GPHN: variants seen among roughly 807,000 people sequenced by gnomAD.
GPHN encodes the protein gephyrin.
GPHN carries 17 observed loss-of-function variants against 95.5 expected under a neutral mutation model. The ratio of observed to expected loss-of-function variants is 0.18; its 90% CI spans 0.12 to 0.27. GPHN has a LOEUF of 0.27. Ranked by LOEUF, GPHN falls within the 10% of genes least tolerant of loss-of-function variation. The pLI is 1.00. For missense variants in GPHN, 660 were observed against 978.1 expected, an observed-to-expected ratio of 0.67 and a Z score of 4.34; for synonymous variants, 320 against 322.5, an observed-to-expected ratio of 0.99 and a Z score of 0.08.
At chr14:67,402,978 T>A in the GPHN span, among the ~76,000 whole-genome samples, 2 of 152,200 alleles carry the variant, frequency 1.3e-5, no homozygotes, top group Non-Finnish European at 2.9e-5. Context: ...CTATTTATAT[T>A]TTTTTGAGGA....
At chr14:66,641,650 AT>A in intron 1 of GPHN, among the ~76,000 whole-genome samples, 1 of 148,546 alleles carries the variant, frequency 6.7e-6, no homozygotes, top group Non-Finnish European at 1.5e-5. Context: ...GAACAAGTAG[AT>A]GACAAAAAAA....
At chr14:67,534,465 AGTCCC>A in the GPHN span, among the ~76,000 whole-genome samples, 1 of 152,156 alleles carries the variant, frequency 6.6e-6, no homozygotes, top group African/African-American at 2.4e-5. Flanking sequence ...GTGGGCCTGT[AGTCCC>A]AGCTAACTTG....
chr14:67,610,076 T>C, the GPHN span, among the ~76,000 whole-genome samples: 2 of 152,086 alleles, frequency 1.3e-5, no homozygotes, highest in Non-Finnish European at 2.9e-5. Flanking sequence ...CAGGGCTGCC[T>C]CCACTCCTGT....
Position 67,144,280 on chromosome 14 carries a change from T to TACATAC in GPHN, c.1836+832_1836+833insCATACA, listed in dbSNP as rs1567401113. Among the ~76,000 whole-genome samples, 16 of 112,782 alleles carry TACATAC rather than the reference T, an allele frequency of 1.4e-4. 2 individuals carry two copies. Among genetic ancestry groups the TACATAC allele is most frequent in the African/African-American group, 4.9e-4 (14 of 28,768 alleles). The allele number at this position is 112,782 out of a possible 152,430, so 74.0% of individuals were successfully genotyped here. On this transcript the variant is annotated intron_variant, in intron 18 of 22. Coordinates refer to ENST00000478722, the MANE Select transcript of GPHN (RefSeq NM_020806.5). Reference sequence around the variant, plus strand: ...ATATATATATATATATATATATATATATATATACACACACACATACACAAA... The same window carrying TACATAC: ...ATATATATATATATATATATATATATACATACATATATACACACACACATACACAAA...
At chr14:67,466,777 G>T in the GPHN span, among the ~76,000 whole-genome samples, 7 of 152,120 alleles carry the variant, frequency 4.6e-5, no homozygotes, top group Admixed American at 3.3e-4. Flanking sequence ...TGGATCACCT[G>T]AGGTCAGGAG....
intron 21 of GPHN, among the ~76,000 whole-genome samples, chr14:67,174,481 T>G (rs1305252069): frequency 2.0e-5 from 3 of 152,206 alleles, no homozygotes; most frequent in Admixed American, 1.3e-4. Flanking sequence ...AGTCTATTAT[T>G]GATGGACATT....
At chr14:66,694,531 A>C (rs776165494) in intron 2 of GPHN, among the ~76,000 whole-genome samples, 8 of 152,214 alleles carry the variant, frequency 5.3e-5, no homozygotes, top group Non-Finnish European at 1.0e-4. Context: ...AAAAAATTGA[A>C]TCTGGACGTA....
chr14:67,414,499 C>T, the GPHN span, among the ~76,000 whole-genome samples: 8 of 152,232 alleles, frequency 5.3e-5, no homozygotes, highest in Non-Finnish European at 1.5e-5. Flanking sequence ...AAGAAGCTTT[C>T]AGAGAGACAC....
intron 12 of GPHN, among the ~76,000 whole-genome samples, chr14:67,094,055 A>G (rs1430985843): frequency 6.6e-6 from 1 of 152,134 alleles, no homozygotes; most frequent in South Asian, 2.1e-4. Flanking sequence ...TCAGCCTTAA[A>G]GTGGAAATGA....
At chr14:67,479,418 A>AC in the GPHN span, among the ~76,000 whole-genome samples, 4 of 150,846 alleles carry the variant, frequency 2.7e-5, no homozygotes, top group African/African-American at 9.8e-5. Flanking sequence ...CTCAAAAAAA[A>AC]AAAAAAATGC....
chr14:66,677,190 T>C (rs1458387013), intron 1 of GPHN, among the ~76,000 whole-genome samples: 2 of 152,116 alleles, frequency 1.3e-5, no homozygotes, highest in African/African-American at 4.8e-5. Flanking sequence ...TTGATTAGTC[T>C]AGCTACTGGT....
chr14:67,691,487 GGAGCTACT>G, the GPHN span: 1 of 394,258 alleles, frequency 2.5e-6, no homozygotes. Flanking sequence ...TTGTAGTTCA[GGAGCTACT>G]TACTCACTGC....
At position 66,588,321 on chromosome 14, in the gene GPHN, A is replaced by G. The variant is rs569712054; in HGVS notation, c.64+79730A>G. ...AAGACTGAAAATTCCAAAAACCAGA[A>G]TGCCTCTTCTCCTCCAAAGTATCAC... On this transcript the variant is annotated intron_variant, in intron 1 of 22. Transcript: ENST00000478722. Among the ~76,000 whole-genome samples the G allele has an allele frequency of 5.9e-5, 9 of 152,244 alleles. No individual in the cohort carries two copies. In the South Asian group the frequency reaches 1.0e-3, roughly 18 times the overall value.
the GPHN span, among the ~76,000 whole-genome samples, chr14:67,439,634 A>G: frequency 7.1e-6 from 1 of 139,978 alleles, no homozygotes; most frequent in Admixed American, 7.0e-5. Context: ...AAAAGTTTCA[A>G]TAGTTTCTAA....
chr14:67,353,136 T>C, the GPHN span: 2 of 916,750 alleles, frequency 2.2e-6, no homozygotes, highest in East Asian at 5.1e-5. Context: ...CTTTATCCTT[T>C]GATGTGATGA....
At chr14:67,612,479 A>G in the GPHN span, among the ~76,000 whole-genome samples, 1 of 152,158 alleles carries the variant, frequency 6.6e-6, no homozygotes, top group Admixed American at 6.5e-5. Flanking sequence ...GGTTGGCACC[A>G]GTTTTGCACC....
intron 8 of GPHN, among the ~76,000 whole-genome samples, chr14:66,946,657 C>T (rs935581016): frequency 6.6e-6 from 1 of 152,048 alleles, no homozygotes; most frequent in African/African-American, 2.4e-5. Flanking sequence ...ACCACCTGGG[C>T]CTCCCAAAGT....
chr14:67,088,410 T>C (rs566757766), intron 11 of GPHN, among the ~76,000 whole-genome samples: 1 of 152,300 alleles, frequency 6.6e-6, no homozygotes, highest in Non-Finnish European at 1.5e-5. Flanking sequence ...TGTAAAAATA[T>C]GTATCATAGG....
At chr14:66,575,384 T>C (rs976209131) in intron 1 of GPHN, among the ~76,000 whole-genome samples, 2 of 152,266 alleles carry the variant, frequency 1.3e-5, no homozygotes, top group Non-Finnish European at 2.9e-5. Context: ...TCTTTGCCAT[T>C]TGAGAATTTA....
Sources: allele counts gnomAD v4.1 joint callset (sites outside exome capture counted in the v4.1 genomes callset), GRCh38; gene constraint gnomAD v4.1.1; transcripts MANE v1.5; gene names NCBI Gene and HGNC (gene_info 2026-07-23, HGNC 2026-07-21).